PTPN13: variants seen among roughly 807,000 people sequenced by gnomAD.
PTPN13 encodes tyrosine-protein phosphatase non-receptor type 13.
In PTPN13, 191 loss-of-function variants were observed where a neutral mutation model predicts 284.0. The ratio of observed to expected loss-of-function variants is 0.67; its 90% CI spans 0.60 to 0.76. The LOEUF (loss-of-function observed/expected upper bound fraction) is 0.76. Ranked by LOEUF, PTPN13 falls within the 30% of genes least tolerant of loss-of-function variation. The probability of loss-of-function intolerance (pLI) is 0.00; values close to 1 mark genes in which losing one functional copy is unlikely to be tolerated. For missense variants in PTPN13, 2,797 were observed against 2,939.9 expected, an observed-to-expected ratio of 0.95 and a Z score of 1.12; for synonymous variants, 986 against 1,022.3, an observed-to-expected ratio of 0.96 and a Z score of 0.68.
chr4:86,763,073 C>T lies in PTPN13; in HGVS notation c.3900C>T (p.Asn1300=), dbSNP rs965187356. The change falls in exon 24 of 48, where the codon AAC becomes AAT. Residue 1300 remains asparagine (N), a synonymous_variant. Transcript: ENST00000411767. ...AGAAAGAGACTTTCACTGATAGTAA[C>T]CAAAGCAAAACTAAAAAGCCAGGCA... ...ATEKETFTDS[N]QSKTKKPGIS... The T allele has an allele frequency of 1.1e-5, 18 of 1,613,562 alleles. No homozygotes were observed. The highest frequency in any genetic ancestry group is 3.3e-4 in the Middle Eastern group (2 of 6,084).
intron 10 of PTPN13, among the ~76,000 whole-genome samples, chr4:86,731,218 G>T (rs1565435711): frequency 6.6e-6 from 1 of 152,138 alleles, no homozygotes; most frequent in Non-Finnish European, 1.5e-5. Flanking sequence ...CTGGCCTCAA[G>T]ATTAGCTCTG....
At chr4:86,745,155 G>A in intron 17 of PTPN13, 27 bp downstream of exon 17, 1 of 1,567,516 alleles carries the variant, frequency 6.4e-7, no homozygotes, top group Non-Finnish European at 8.6e-7. Context: ...TATTTCAGAT[G>A]ACTCCTGGGA....
chr4:86,628,941 TG>T, intron 1 of PTPN13, among the ~76,000 whole-genome samples: 1 of 151,620 alleles, frequency 6.6e-6, no homozygotes, highest in East Asian at 1.9e-4. Context: ...TTTGCTATTG[TG>T]AATAGTGCCG....
chr4:86,764,449 C>T, intron 24 of PTPN13, 144 bp from the exon 25 acceptor site: 1 of 608,152 alleles, frequency 1.6e-6, no homozygotes, highest in Non-Finnish European at 2.6e-6. Flanking sequence ...TCCAAAAACA[C>T]ATATTTGTCT....
chr4:86,605,417 G>T (rs540673314), intron 1 of PTPN13, among the ~76,000 whole-genome samples: 1 of 152,034 alleles, frequency 6.6e-6, no homozygotes, highest in Non-Finnish European at 1.5e-5. Context: ...AAGATCAAAG[G>T]TGGTGAAAGA....
intron 4 of PTPN13, among the ~76,000 whole-genome samples, chr4:86,688,367 T>G (rs1178078171): frequency 1.3e-5 from 2 of 152,140 alleles, no homozygotes; most frequent in African/African-American, 2.4e-5. Flanking sequence ...TGTAGTGGCT[T>G]CTTCTTGTAG....
At chr4:86,705,964 C>A (rs112910662) in intron 7 of PTPN13, among the ~76,000 whole-genome samples, 1 of 152,132 alleles carries the variant, frequency 6.6e-6, no homozygotes, top group African/African-American at 2.4e-5. Context: ...TCTCCTCCAA[C>A]CTCTGATAAT....
intron 3 of PTPN13, among the ~76,000 whole-genome samples, chr4:86,679,617 T>G (rs1414363168): frequency 1.3e-5 from 2 of 152,196 alleles, no homozygotes; most frequent in Non-Finnish European, 2.9e-5. Flanking sequence ...TGGCAATGAG[T>G]AAAAATAATT....
Position 86,661,412 on chromosome 4 carries a change from T to A in PTPN13, c.116-10953T>A, listed in dbSNP as rs1014356481. Among the ~76,000 whole-genome samples, 6 of 152,288 alleles carry A rather than the reference T, an allele frequency of 3.9e-5. No individual in the cohort carries two copies. The South Asian group carries it at 6.2e-4, about 16-fold the overall frequency. ...GTATCATTTAGTAACAAGTTAAAAT[T>A]TTACTTTCTTGGGGTGATGTGTGTC... On this transcript the variant is annotated intron_variant, in intron 2 of 47. Transcript: ENST00000411767.
chr4:86,736,718 A>C (rs2149145826), intron 15 of PTPN13, among the ~76,000 whole-genome samples: 1 of 152,366 alleles, frequency 6.6e-6, no homozygotes, highest in East Asian at 1.9e-4. Context: ...AAGAATTTGC[A>C]TGAGGATTTG....
intron 1 of PTPN13, among the ~76,000 whole-genome samples, chr4:86,596,561 G>T (rs1344333069): frequency 1.3e-5 from 2 of 152,164 alleles, no homozygotes; most frequent in Non-Finnish European, 2.9e-5. Flanking sequence ...CTAATCATTT[G>T]TTTTGGAGTA....
At chr4:86,628,203 C>T (rs1451407388) in intron 1 of PTPN13, among the ~76,000 whole-genome samples, 2 of 152,130 alleles carry the variant, frequency 1.3e-5, no homozygotes, top group South Asian at 2.1e-4. Flanking sequence ...AGTTTCTCTA[C>T]ATCTTTGTCA....
At chr4:86,758,379 A>C in intron 21 of PTPN13, 30 bp downstream of exon 21, 2 of 1,526,820 alleles carry the variant, frequency 1.3e-6, no homozygotes, top group Non-Finnish European at 1.8e-6. Context: ...TTGAAGGTCT[A>C]TGATTGTTGG....
At chr4:86,746,718 C>A (rs896656249) in intron 17 of PTPN13, among the ~76,000 whole-genome samples, 1 of 152,032 alleles carries the variant, frequency 6.6e-6, no homozygotes, top group African/African-American at 2.4e-5. Context: ...CTGCAACATT[C>A]GCCTTCTGGT....
chr4:86,653,923 T>G (rs555145796), intron 2 of PTPN13, among the ~76,000 whole-genome samples: 1 of 152,292 alleles, frequency 6.6e-6, no homozygotes, highest in Non-Finnish European at 1.5e-5. Context: ...TACCTAAACT[T>G]CAATGCATAA....
intron 2 of PTPN13, among the ~76,000 whole-genome samples, chr4:86,666,414 T>TCTCTCTCTC (rs1727084481): frequency 6.6e-6 from 1 of 150,850 alleles, no homozygotes; most frequent in South Asian, 2.1e-4. Flanking sequence ...TTCTCTCTCT[T>TCTCTCTCTC]CTCTCTCTCT....
chr4:86,682,332 C>T (rs1339426166), intron 3 of PTPN13, among the ~76,000 whole-genome samples: 4 of 152,054 alleles, frequency 2.6e-5, no homozygotes. Context: ...CTGTGCTGTC[C>T]GTAAGGTACG....
intron 1 of PTPN13, among the ~76,000 whole-genome samples, chr4:86,625,660 G>C (rs1006241720): frequency 2.6e-5 from 4 of 152,068 alleles, no homozygotes; most frequent in Non-Finnish European, 5.9e-5. Flanking sequence ...CTAAAGGCTT[G>C]TTGGTAGAAT....
Position 86,750,770 on chromosome 4 carries a change from AT to A in PTPN13, c.2952del (p.Asn984LysfsTer35). 6.2e-7 allele frequency: 1 copy of A among 1,613,680 alleles called. No individual in the cohort carries two copies. Among genetic ancestry groups the A allele is most frequent in the Non-Finnish European group, 8.5e-7 (1 of 1,179,746 alleles). On this transcript the variant is annotated frameshift_variant, in exon 18 of 48. Transcript: ENST00000411767. LOFTEE classifies it high-confidence loss of function. ...GCCTCTCTCTATCCACATCGGAAAA[AT>A]GTCATTGTTAACATGGAACCCCCAC... ...SQASLYPHRK[N>X]VIVNMEPPPQ...
Sources: allele counts gnomAD v4.1 joint callset (sites outside exome capture counted in the v4.1 genomes callset), GRCh38; gene constraint gnomAD v4.1.1; transcripts MANE v1.5; gene names NCBI Gene and HGNC (gene_info 2026-07-23, HGNC 2026-07-21).